Variants in POFUT3 observed in about 807,000 individuals in gnomAD.
The protein encoded by POFUT3 is protein O-fucosyltransferase 3.
chr8:33,455,620 AG>A, the POFUT3 span: 1 of 274,018 alleles, frequency 3.6e-6, no homozygotes, highest in East Asian at 9.2e-5. Context: ...TGTAACTGAA[AG>A]TTTAGTAGAC....
chr8:33,364,682 A>C, the POFUT3 span, among the ~76,000 whole-genome samples: 62 of 152,216 alleles, frequency 4.1e-4, no homozygotes, highest in Non-Finnish European at 7.1e-4. Context: ...AAAGAGACTA[A>C]AATACCTAGG....
chr8:33,392,836 TA>T, the POFUT3 span, among the ~76,000 whole-genome samples: 3 of 151,910 alleles, frequency 2.0e-5, no homozygotes, highest in African/African-American at 7.3e-5. Flanking sequence ...ATTCAAAAAT[TA>T]GCTGGGCATG....
the POFUT3 span, among the ~76,000 whole-genome samples, chr8:33,434,250 C>T: frequency 5.3e-5 from 8 of 152,090 alleles, no homozygotes; most frequent in African/African-American, 1.9e-4. Flanking sequence ...AGCAGAGCAA[C>T]ACTCCATCTC....
chr8:33,331,543 C>A, the POFUT3 span, among the ~76,000 whole-genome samples: 1 of 151,858 alleles, frequency 6.6e-6, no homozygotes, highest in Non-Finnish European at 1.5e-5. Context: ...CAAGTATTAC[C>A]GGGGGCAGTG....
chr8:33,453,591 C>A, the POFUT3 span: 2 of 1,218,504 alleles, frequency 1.6e-6, 1 homozygote, highest in Middle Eastern at 4.9e-4. Context: ...GATGATTTAG[C>A]CCCTGACTCG....
At chr8:33,333,228 C>G in the POFUT3 span, among the ~76,000 whole-genome samples, 1 of 151,946 alleles carries the variant, frequency 6.6e-6, no homozygotes, top group Admixed American at 6.6e-5. Flanking sequence ...AAAGGATCAG[C>G]GAGTGCAAAA....
chr8:33,460,788 G>T, the POFUT3 span: 1 of 982,934 alleles, frequency 1.0e-6, no homozygotes, highest in South Asian at 4.7e-5. Flanking sequence ...AAAAAAGGGG[G>T]GCAGGGGGTG....
chr8:33,465,848 C>T, the POFUT3 span, among the ~76,000 whole-genome samples: 1 of 152,026 alleles, frequency 6.6e-6, no homozygotes, highest in Admixed American at 6.6e-5. Context: ...GTGTGGAAAG[C>T]AGATAAATGA....
the POFUT3 span, among the ~76,000 whole-genome samples, chr8:33,309,187 TATATATATATATAC>T: frequency 9.7e-5 from 11 of 113,640 alleles, no homozygotes; most frequent in African/African-American, 1.5e-4. Flanking sequence ...TATATATATA[TATATATATATATAC>T]ACACACATAT....
the POFUT3 span, among the ~76,000 whole-genome samples, chr8:33,451,297 G>T: frequency 6.6e-6 from 1 of 151,932 alleles, no homozygotes; most frequent in Non-Finnish European, 1.5e-5. Context: ...TTTTGGATTC[G>T]GGGGCATTTC....
chr8:33,420,416 G>C, the POFUT3 span, among the ~76,000 whole-genome samples: 1 of 152,180 alleles, frequency 6.6e-6, no homozygotes, highest in Non-Finnish European at 1.5e-5. Context: ...GGAAGAGACA[G>C]TGTGGGAATA....
At chr8:33,408,013 A>G in the POFUT3 span, among the ~76,000 whole-genome samples, 1 of 151,162 alleles carries the variant, frequency 6.6e-6, no homozygotes, top group Non-Finnish European at 1.5e-5. Flanking sequence ...AAAGAAAAGA[A>G]AAGAAAGAAA....
At chr8:33,437,523 T>C in the POFUT3 span, among the ~76,000 whole-genome samples, 14 of 151,824 alleles carry the variant, frequency 9.2e-5, no homozygotes, top group African/African-American at 3.4e-4. Context: ...AAAAAAGGAG[T>C]CTGAAGGCAG....
At chr8:33,424,094 G>A in the POFUT3 span, among the ~76,000 whole-genome samples, 4 of 151,018 alleles carry the variant, frequency 2.6e-5, no homozygotes, top group Non-Finnish European at 2.9e-5. Flanking sequence ...AGCCAAGATC[G>A]CACCACTGCA....
At chr8:33,420,374 G>T in the POFUT3 span, among the ~76,000 whole-genome samples, 1 of 152,118 alleles carries the variant, frequency 6.6e-6, no homozygotes, top group African/African-American at 2.4e-5. Flanking sequence ...GAAATGACAA[G>T]GTTTAAAATT....
chr8:33,370,169 TAAAAAAAAA>T, the POFUT3 span, among the ~76,000 whole-genome samples: 9 of 39,896 alleles, frequency 2.3e-4, no homozygotes, highest in East Asian at 9.7e-4. Flanking sequence ...CCATCTTTAC[TAAAAAAAAA>T]AAAAAAAAAA....
chr8:33,347,285 T>C, the POFUT3 span, among the ~76,000 whole-genome samples: 1 of 152,218 alleles, frequency 6.6e-6, no homozygotes, highest in Non-Finnish European at 1.5e-5. Context: ...TCTCTGATCA[T>C]TTATTTTATT....
chr8:33,346,204 CTAAT>C, the POFUT3 span, among the ~76,000 whole-genome samples: 1 of 151,880 alleles, frequency 6.6e-6, no homozygotes, highest in Non-Finnish European at 1.5e-5. Context: ...TTCAAACTGC[CTAAT>C]TGTGAGCTAA....
the POFUT3 span, among the ~76,000 whole-genome samples, chr8:33,451,061 G>GGT: frequency 1.1e-4 from 10 of 88,882 alleles, no homozygotes; most frequent in African/African-American, 4.6e-4. Flanking sequence ...ACACAAAGGA[G>GGT]GTGTATGTGT....
Sources: allele counts gnomAD v4.1 joint callset (sites outside exome capture counted in the v4.1 genomes callset), GRCh38; gene constraint gnomAD v4.1.1; transcripts MANE v1.5; gene names NCBI Gene and HGNC (gene_info 2026-07-23, HGNC 2026-07-21).